Variants in GLRA2 observed in about 807,000 individuals in gnomAD.
GLRA2 encodes glycine receptor alpha 2, also known as glycine receptor subunit alpha-2.
In GLRA2, 11 loss-of-function variants were observed where a neutral mutation model predicts 31.6. The observed-to-expected ratio is 0.35, with a 90% CI of 0.22 to 0.58. The LOEUF (loss-of-function observed/expected upper bound fraction) is 0.58, where lower values mean the gene tolerates loss of function less well. Ranked by LOEUF, GLRA2 falls within the 20% of genes least tolerant of loss-of-function variation. GLRA2 has a pLI of 0.84. For missense variants in GLRA2, 212 were observed against 351.8 expected, an observed-to-expected ratio of 0.60 and a Z score of 3.18; for synonymous variants, 132 against 134.0, an observed-to-expected ratio of 0.99 and a Z score of 0.10.
chrX:14,452,898 C>G, the GLRA2 span, among the ~76,000 whole-genome samples: 2 of 112,041 alleles, frequency 1.8e-5, no homozygotes, highest in Non-Finnish European at 3.8e-5. Context: ...TTTCTCATCT[C>G]ACAGATATTC....
At position 14,625,564 on chromosome X, in the gene GLRA2, A is replaced by C. The variant is rs188490016; in HGVS notation, c.930+16359A>C. On this transcript the variant is annotated intron_variant, in intron 7 of 8. Transcript: ENST00000218075. ...CCTGGTGGTGACAAAATCTCTCAGC[A>C]TTTGCTTGTCTGTAAAGTAGATTTT... Among the ~76,000 whole-genome samples, 1,110 of 111,248 alleles carry C rather than the reference A, an allele frequency of 1.0e-2. 9 individuals carry two copies. Among genetic ancestry groups the C allele is most frequent in the Non-Finnish European group, 0.014 (731 of 52,930 alleles).
intron 3 of GLRA2, among the ~76,000 whole-genome samples, chrX:14,576,440 G>A (rs1028421425): frequency 6.3e-5 from 7 of 110,873 alleles, no homozygotes; most frequent in Admixed American, 3.9e-4. Context: ...TGGCTTTATC[G>A]TAATAAGAGA....
At chrX:14,504,827 ATTG>A in the GLRA2 span, among the ~76,000 whole-genome samples, 1 of 111,883 alleles carries the variant, frequency 8.9e-6, no homozygotes, top group Non-Finnish European at 1.9e-5. Context: ...CATAAAATAT[ATTG>A]TTGATGTCCA....
chrX:14,574,218 TGGCAA>T (rs2089922861), intron 2 of GLRA2, 110 bp from the exon 3 acceptor site: 5 of 513,802 alleles, frequency 9.7e-6, no homozygotes, highest in Admixed American at 9.1e-5. Context: ...ACTTTTTTTT[TGGCAA>T]TCTCACCATC....
chrX:14,569,453 G>T (rs1434561232), intron 2 of GLRA2, among the ~76,000 whole-genome samples: 1 of 111,766 alleles, frequency 8.9e-6, no homozygotes, highest in Non-Finnish European at 1.9e-5. Context: ...TGGGTAAAGG[G>T]CTTGAAGAGA....
chrX:14,463,344 G>T, the GLRA2 span, among the ~76,000 whole-genome samples: 1 of 111,544 alleles, frequency 9.0e-6, no homozygotes, highest in Non-Finnish European at 1.9e-5. Flanking sequence ...CGTTATCAAA[G>T]CTCGTATGCC....
intron 7 of GLRA2, among the ~76,000 whole-genome samples, chrX:14,630,103 A>T (rs2090627846): frequency 8.9e-6 from 1 of 111,980 alleles, no homozygotes; most frequent in Admixed American, 9.5e-5. Context: ...CATGGGAATT[A>T]TTTTAACATT....
chrX:14,681,915 A>ATATATATATATATATATATATATATATG (rs1569521066), intron 7 of GLRA2, among the ~76,000 whole-genome samples: 5 of 81,731 alleles, frequency 6.1e-5, no homozygotes, highest in Admixed American at 1.4e-4. Flanking sequence ...AAAAAAATAT[A>ATATATATATATATATATATATATATATG]TATATATATA....
chrX:14,722,685 G>T (rs1660432251), intron 8 of GLRA2, among the ~76,000 whole-genome samples: 1 of 111,702 alleles, frequency 9.0e-6, no homozygotes, highest in Non-Finnish European at 1.9e-5. Flanking sequence ...ATGCAGAGGA[G>T]AAAGAAGTGG....
At chrX:14,718,634 G>A (rs2091823837) in intron 8 of GLRA2, among the ~76,000 whole-genome samples, 1 of 111,879 alleles carries the variant, frequency 8.9e-6, no homozygotes. Flanking sequence ...CTGTAGACTT[G>A]TTTGTCCACA....
chrX:14,715,682 G>C (rs2091775120), intron 8 of GLRA2, among the ~76,000 whole-genome samples: 1 of 111,228 alleles, frequency 9.0e-6, no homozygotes, highest in African/African-American at 3.3e-5. Flanking sequence ...GAGTTTACCA[G>C]GTAAAAAGAG....
the GLRA2 span, among the ~76,000 whole-genome samples, chrX:14,464,909 A>G: frequency 8.9e-6 from 1 of 112,004 alleles, no homozygotes; most frequent in Middle Eastern, 4.6e-3. Flanking sequence ...ATAGCTTTGT[A>G]GTATGTTTGG....
intron 2 of GLRA2, among the ~76,000 whole-genome samples, chrX:14,540,934 CAG>C (rs1183320685): frequency 9.5e-6 from 1 of 105,483 alleles, no homozygotes; most frequent in African/African-American, 3.5e-5. Flanking sequence ...CAGGAAGAGA[CAG>C]AGGGGAGAGA....
chrX:14,565,168 A>T (rs766647917), intron 2 of GLRA2, among the ~76,000 whole-genome samples: 11 of 112,159 alleles, frequency 9.8e-5, no homozygotes, highest in Middle Eastern at 4.7e-3. Flanking sequence ...TAATCAAAAG[A>T]CATATACTGG....
Position 14,690,920 on chromosome X carries a change from T to C in GLRA2, c.1080+61T>C, listed in dbSNP as rs1268723870. ...TGAGTTGGTTAGCTAGGCAATGTAATTCAGAAAACAGAAGAGCACACAATA... is the reference window on the plus strand; with the variant it reads ...TGAGTTGGTTAGCTAGGCAATGTAACTCAGAAAACAGAAGAGCACACAATA... On this transcript the variant is annotated intron_variant, in intron 8 of 8. Coordinates refer to ENST00000218075, the MANE Select transcript of GLRA2 (RefSeq NM_002063.4). 3.6e-6 allele frequency: 4 copies of C among 1,124,611 alleles called. No individual in the cohort carries two copies. The East Asian group carries it at 1.2e-4, about 34-fold the overall frequency. 92.7% of individuals were successfully genotyped at this position (1,124,611 alleles called of 1,213,427 possible).
At chrX:14,468,051 G>T in the GLRA2 span, among the ~76,000 whole-genome samples, 1 of 111,650 alleles carries the variant, frequency 9.0e-6, no homozygotes, top group Non-Finnish European at 1.9e-5. Context: ...TTAGAATGAG[G>T]TATCAAGAGA....
chrX:14,608,917 TTAAAC>T, intron 6 of GLRA2, 69 bp from the exon 7 acceptor site: 5 of 495,711 alleles, frequency 1.0e-5, no homozygotes, highest in Non-Finnish European at 1.7e-5. Context: ...TTTTTTTTTT[TTAAAC>T]AACGTGGGAT....
At chrX:14,708,764 C>T (rs1282800555) in intron 8 of GLRA2, among the ~76,000 whole-genome samples, 1 of 111,506 alleles carries the variant, frequency 9.0e-6, no homozygotes, top group Non-Finnish European at 1.9e-5. Context: ...TGGAGAAACC[C>T]CGTCTCTACT....
At chrX:14,583,223 T>C in intron 4 of GLRA2, among the ~76,000 whole-genome samples, 1 of 112,277 alleles carries the variant, frequency 8.9e-6, no homozygotes, top group African/African-American at 3.2e-5. Context: ...CTGGTGGGAA[T>C]GTAAATTAGT....
Sources: gnomAD v4.1 joint callset for allele counts (sites outside exome capture counted in the v4.1 genomes callset) on GRCh38, gnomAD v4.1.1 for gene constraint, MANE v1.5 for transcripts, NCBI Gene and HGNC (gene_info 2026-07-23, HGNC 2026-07-21) for gene names.